Variants in TMEM117 observed in about 807,000 individuals in gnomAD.
TMEM117 encodes transmembrane protein 117.
Under a neutral mutation model 52.4 loss-of-function variants are expected in TMEM117, and 27 were observed. That is an observed-to-expected ratio of 0.51 (90% CI 0.38 to 0.71). TMEM117 has a LOEUF of 0.71. Among genes scored for constraint, TMEM117 ranks in the 30% least tolerant of loss-of-function variants. The pLI, the probability that TMEM117 is intolerant of heterozygous loss-of-function variation, is 0.00. For missense variants in TMEM117, 556 were observed against 630.5 expected, an observed-to-expected ratio of 0.88 and a Z score of 1.26; for synonymous variants, 215 against 206.3, an observed-to-expected ratio of 1.04 and a Z score of -0.36.
intron 6 of TMEM117, among the ~76,000 whole-genome samples, chr12:44,339,784 G>A (rs1002033114): frequency 1.3e-5 from 2 of 151,678 alleles, no homozygotes; most frequent in African/African-American, 4.8e-5. Context: ...CTTTGAATTG[G>A]AGGATTCAAT....
intron 5 of TMEM117, among the ~76,000 whole-genome samples, chr12:44,252,180 T>C (rs1380667600): frequency 1.3e-5 from 2 of 152,188 alleles, no homozygotes; most frequent in African/African-American, 4.8e-5. Context: ...TTCTCCTTTT[T>C]TTCCACCTAT....
At chr12:44,193,557 G>T (rs1443946495) in intron 4 of TMEM117, among the ~76,000 whole-genome samples, 1 of 152,102 alleles carries the variant, frequency 6.6e-6, no homozygotes, top group Non-Finnish European at 1.5e-5. Context: ...AGAAGCAACT[G>T]ATATAAGGCC....
intron 2 of TMEM117, among the ~76,000 whole-genome samples, chr12:43,927,577 A>G (rs771372295): frequency 6.6e-6 from 1 of 151,716 alleles, no homozygotes; most frequent in Non-Finnish European, 1.5e-5. Flanking sequence ...TTTTGAATCT[A>G]TCTTATTTAT....
At chr12:43,816,588 C>T in the TMEM117 span, among the ~76,000 whole-genome samples, 1 of 152,196 alleles carries the variant, frequency 6.6e-6, no homozygotes, top group Non-Finnish European at 1.5e-5. Flanking sequence ...GAGAGATGGT[C>T]GAGTAGCTGG....
chr12:44,240,722 G>A (rs775740842), intron 5 of TMEM117, among the ~76,000 whole-genome samples: 19 of 151,854 alleles, frequency 1.3e-4, no homozygotes, highest in Non-Finnish European at 2.5e-4. Flanking sequence ...ATATTTTGGA[G>A]ACCTTTCCAC....
chr12:44,208,540 A>C (rs1427586450), intron 4 of TMEM117, among the ~76,000 whole-genome samples: 1 of 152,064 alleles, frequency 6.6e-6, no homozygotes, highest in East Asian at 1.9e-4. Context: ...ACCAGAAATG[A>C]ATTTGATTTC....
intron 2 of TMEM117, among the ~76,000 whole-genome samples, chr12:43,867,342 C>T (rs930381991): frequency 4.6e-5 from 7 of 151,818 alleles, no homozygotes; most frequent in Middle Eastern, 3.4e-3. Context: ...AAAGAGGATA[C>T]GTAAGAAACC....
intron 3 of TMEM117, among the ~76,000 whole-genome samples, chr12:44,008,451 T>G (rs954856331): frequency 2.6e-5 from 4 of 152,240 alleles, no homozygotes; most frequent in Non-Finnish European, 5.9e-5. Context: ...ATAAGTCTTG[T>G]GCTAGGCACT....
intron 6 of TMEM117, among the ~76,000 whole-genome samples, chr12:44,337,837 A>G (rs1329785237): frequency 1.3e-5 from 2 of 152,098 alleles, no homozygotes; most frequent in African/African-American, 4.8e-5. Flanking sequence ...TTGGGGGAAA[A>G]TGTATAAATC....
intron 5 of TMEM117, among the ~76,000 whole-genome samples, chr12:44,215,668 A>G (rs959569547): frequency 1.3e-5 from 2 of 152,070 alleles, no homozygotes; most frequent in Non-Finnish European, 2.9e-5. Flanking sequence ...TAGAGAAACA[A>G]TTTGTATGCT....
chr12:44,206,177 G>T (rs1592605302), intron 4 of TMEM117, among the ~76,000 whole-genome samples: 1 of 152,142 alleles, frequency 6.6e-6, no homozygotes, highest in African/African-American at 2.4e-5. Flanking sequence ...TTAGCTAAAA[G>T]CATTCCTTAT....
At chr12:43,952,031 G>C (rs1436082377) in intron 3 of TMEM117, among the ~76,000 whole-genome samples, 5 of 152,150 alleles carry the variant, frequency 3.3e-5, no homozygotes, top group Non-Finnish European at 7.3e-5. Context: ...AACTGCAGCA[G>C]ACCTGCAGAA....
At chr12:44,022,134 GACA>G (rs1202302267) in intron 3 of TMEM117, among the ~76,000 whole-genome samples, 1 of 152,132 alleles carries the variant, frequency 6.6e-6, no homozygotes, top group Non-Finnish European at 1.5e-5. Flanking sequence ...GAACATTAAA[GACA>G]ACATTATTTA....
chr12:43,975,259 A>G (rs1945653961), intron 3 of TMEM117, among the ~76,000 whole-genome samples: 1 of 152,140 alleles, frequency 6.6e-6, no homozygotes, highest in Non-Finnish European at 1.5e-5. Context: ...TGTATTTGCT[A>G]GAGGAAAAAT....
intron 6 of TMEM117, among the ~76,000 whole-genome samples, chr12:44,357,587 T>C (rs1186523489): frequency 6.6e-6 from 1 of 151,976 alleles, no homozygotes; most frequent in African/African-American, 2.4e-5. Context: ...ATGTTACTAA[T>C]CATCAGAGAC....
Position 44,388,431 on chromosome 12 carries a change from A to G in TMEM117, c.1304A>G (p.Lys435Arg), listed in dbSNP as rs1474880153. 6.2e-7 allele frequency: 1 copy of G among 1,613,416 alleles called. No homozygotes were observed. The highest frequency in any genetic ancestry group is 1.1e-5 in the South Asian group (1 of 91,070). The change falls in exon 8 of 8, where the codon AAA becomes AGA. Residue 435 changes from lysine (K) to arginine (R), a missense_variant. This residue lies in a region of TMEM117 where 206 missense variants were observed against 211.1 expected (regional missense o/e 0.98). Coordinates refer to ENST00000266534, the MANE Select transcript of TMEM117 (RefSeq NM_032256.3). ...ENQDKTYTRM[K>R]RKSPSEHSKD... ...CAAGACAAAACTTACACTCGCATGA[A>G]AAGAAAATCTCCATCAGAACATAGC...
chr12:44,057,073 A>G (rs1299400849), intron 3 of TMEM117, among the ~76,000 whole-genome samples: 1 of 152,170 alleles, frequency 6.6e-6, no homozygotes, highest in Non-Finnish European at 1.5e-5. Flanking sequence ...AACTGCCTTA[A>G]ATGATGGCTG....
At chr12:43,806,046 G>C in the TMEM117 span, 1 of 1,519,356 alleles carries the variant, frequency 6.6e-7, no homozygotes, top group Non-Finnish European at 8.8e-7. Context: ...GGAGGACGCA[G>C]GCCGGCAGCG....
At position 43,848,137 on chromosome 12, in the gene TMEM117, A is replaced by G. The variant is rs143466028; in HGVS notation, c.277+3209A>G. Among the ~76,000 whole-genome samples, 8 of 152,314 alleles carry G rather than the reference A, an allele frequency of 5.3e-5. No individual in the cohort carries two copies. In the East Asian group the frequency reaches 1.5e-3, roughly 29 times the overall value. On this transcript the variant is annotated intron_variant, in intron 2 of 7. Transcript: ENST00000266534. The stretch of plus-strand genomic sequence containing the variant: ...AAAGGGCAAAAGCAGAACCACTGAT[A>G]AGGGTCCAACAAAGATCACAGGGCA...
Sources: gnomAD v4.1 joint callset for allele counts (sites outside exome capture counted in the v4.1 genomes callset) on GRCh38, gnomAD v4.1.1 for gene constraint, gnomAD v4.1.1 regional missense constraint, MANE v1.5 for transcripts, NCBI Gene and HGNC (gene_info 2026-07-23, HGNC 2026-07-21) for gene names.